Variants in SPATA31C2 observed in about 807,000 individuals in gnomAD.
SPATA31C2 encodes spermatogenesis-associated protein 31C2.
SPATA31C2 carries 5 observed loss-of-function variants against 11.4 expected under a neutral mutation model. The ratio of observed to expected loss-of-function variants is 0.44; its 90% CI spans 0.23 to 0.92. SPATA31C2 has a LOEUF of 0.92. SPATA31C2 is among the 40% of genes least tolerant of loss of function. SPATA31C2 has a pLI of 0.24. For synonymous variants in SPATA31C2, 515 were observed against 538.7 expected (o/e 0.96, Z 0.61); for missense variants, 1,353 against 1,368.6 (o/e 0.99, Z 0.18).
In SPATA31C2 at chr9:88,130,480, C is replaced by A; in HGVS notation, c.2557G>T (p.Glu853Ter). The A allele has an allele frequency of 6.2e-6, 10 of 1,613,430 alleles. No individual in the cohort carries two copies. Among genetic ancestry groups the A allele is most frequent in the Non-Finnish European group, 7.6e-6 (9 of 1,179,552 alleles). ...GGCTCAAATTCACTAACAGCCTCCT[C>A]CATGAGACACAGCTTTCTTGGGTCT... ...SQDPRKLCLMEEAVSEFEPGK... is the reference protein window; with the variant it reads ...SQDPRKLCLM The change falls in exon 4 of 4, where the codon GAG becomes TAG. Residue 853 changes from glutamate (E) to a stop codon, truncating the protein, a stop_gained. Transcript: ENST00000324915. LOFTEE classifies it low-confidence loss of function (END_TRUNC).
At chr9:88,132,786 G>A in intron 3 of SPATA31C2, 76 bp from the exon 4 acceptor site, 1 of 1,491,094 alleles carries the variant, frequency 6.7e-7, no homozygotes, top group Non-Finnish European at 8.9e-7. Context: ...TTGGGCCACA[G>A]CCCCTCCACC....
intron 1 of SPATA31C2, 64 bp from the exon 2 acceptor site, chr9:88,133,733 C>A: frequency 1.9e-5 from 29 of 1,507,498 alleles, no homozygotes; most frequent in African/African-American, 3.0e-5. Context: ...AGCCCAGCCG[C>A]AGCACGCTGC....
intron 1 of SPATA31C2, chr9:88,134,941 AG>A: frequency 2.1e-6 from 3 of 1,448,040 alleles, no homozygotes; most frequent in Non-Finnish European, 2.8e-6. Context: ...TTTAGAGGAA[AG>A]GGAAGATTCT....
chr9:88,136,251 T>C (rs1455614825), intron 1 of SPATA31C2, among the ~76,000 whole-genome samples: 6 of 145,192 alleles, frequency 4.1e-5, no homozygotes, highest in Non-Finnish European at 9.0e-5. Context: ...TATTTTAATG[T>C]CTCTCTGGGC....
rs1563963232 is a variant in SPATA31C2, at chr9:88,133,625, G to A, written c.234C>T (p.Pro78=). The change falls in exon 2 of 4, where the codon CCC becomes CCT. Residue 78 remains proline (P), a synonymous_variant. Coordinates refer to ENST00000324915, the MANE Select transcript of SPATA31C2 (RefSeq NM_001350978.3). ...GACTGTGGTTTTTCATCCTGCCTCTGGGCCTCCCCCTCCGCCCTGCTGGAC... is the reference window on the plus strand; with the variant it reads ...GACTGTGGTTTTTCATCCTGCCTCTAGGCCTCCCCCTCCGCCCTGCTGGAC... ...SQRPAGRRGR[P]RGRMKNHSLR... 3.2e-6 allele frequency: 5 copies of A among 1,582,302 alleles called. No individual in the cohort carries two copies. Among genetic ancestry groups the A allele is most frequent in the Non-Finnish European group, 4.3e-6 (5 of 1,162,746 alleles).
rs1183720057 is a variant in SPATA31C2, at chr9:88,130,792, G to A, written c.2245C>T (p.Pro749Ser). Residue 749 changes from proline (P) to serine (S), a missense_variant, in exon 4 of 4, where the codon CCA (proline) becomes TCA (serine). Pro to Ser is a moderately conservative substitution (Grantham distance 74). Coordinates refer to ENST00000324915, the MANE Select transcript of SPATA31C2 (RefSeq NM_001350978.3). ...KQFQRAPRGIPSSNDHGSLKA... is the reference protein window; with the variant it reads ...KQFQRAPRGISSSNDHGSLKA... Reference sequence around the variant, plus strand: ...AAGGACCCATGATCATTCGAAGATGGGATCCCTCGCGGGGCCCTCTGGAAC... The same window carrying A: ...AAGGACCCATGATCATTCGAAGATGAGATCCCTCGCGGGGCCCTCTGGAAC... 1.4e-5 allele frequency: 22 copies of A among 1,612,996 alleles called. No homozygotes were observed. The highest frequency in any genetic ancestry group is 1.8e-5 in the Non-Finnish European group (21 of 1,179,870).
In SPATA31C2 at chr9:88,130,780, C is replaced by G. The variant is rs763086127; in HGVS notation, c.2257G>C (p.Asp753His). ...GTAGGAGCCTTCAAGGACCCATGATCATTCGAAGATGGGATCCCTCGCGGG... is the reference window on the plus strand; with the variant it reads ...GTAGGAGCCTTCAAGGACCCATGATGATTCGAAGATGGGATCCCTCGCGGG... ...RAPRGIPSSN[D>H]HGSLKAPTAG... The change falls in exon 4 of 4, where the codon GAT becomes CAT. Residue 753 changes from aspartate (D) to histidine (H), a missense_variant. This residue lies in a region of SPATA31C2 where 1,075 missense variants were observed against 992.8 expected (regional missense o/e 1.08). Coordinates refer to ENST00000324915, the MANE Select transcript of SPATA31C2 (RefSeq NM_001350978.3). The G allele has an allele frequency of 8.1e-6, 13 of 1,613,008 alleles. No homozygotes were observed. In the African/African-American group the frequency reaches 1.6e-4, roughly 20 times the overall value.
chr9:88,133,764 T>G lies in SPATA31C2; in HGVS notation c.190-95A>C. 4.2e-6 allele frequency: 6 copies of G among 1,434,812 alleles called. No homozygotes were observed. The Admixed American group carries it at 1.1e-4, about 27-fold the overall frequency. 88.9% of individuals were successfully genotyped at this position (1,434,812 alleles called of 1,614,324 possible). ...GCTGCACTCATGAACCGCATGGCTC[T>G]GTCTGTCTTGCTCAGGGAGCTCTGT... is the stretch of plus-strand genomic sequence containing the variant. On this transcript the variant is annotated intron_variant, in intron 1 of 3. Transcript: ENST00000324915.
At position 88,131,784 on chromosome 9, in the gene SPATA31C2, T is replaced by G. The variant is rs758604052; in HGVS notation, c.1253A>C (p.Lys418Thr). The G allele has an allele frequency of 1.9e-6, 3 of 1,611,598 alleles. No individual in the cohort carries two copies. In the African/African-American group the frequency reaches 4.0e-5, roughly 22 times the overall value. ...GGAGACACTAAAGACGTCCTGAGAT[T>G]TTTGGACCCTAGAGGGTAAAGCCAA... is the stretch of plus-strand genomic sequence containing the variant. Reference protein sequence around the residue: ...GGLALPSRVQKSQDVFSVSTP... With the variant: ...GGLALPSRVQTSQDVFSVSTP... The change falls in exon 4 of 4, where the codon AAA becomes ACA. Residue 418 changes from lysine to threonine, a missense_variant. Physicochemically the swap from Lys to Thr is moderately conservative, Grantham distance 78. Transcript: ENST00000324915.
intron 1 of SPATA31C2, 40 bp downstream of exon 1, chr9:88,138,213 AAGAAG>A (rs1270627749): frequency 1.7e-5 from 9 of 531,132 alleles, no homozygotes; most frequent in Non-Finnish European, 2.3e-5. Flanking sequence ...AATAAAAAGA[AAGAAG>A]AGAATCAAGC....
intron 1 of SPATA31C2, among the ~76,000 whole-genome samples, chr9:88,134,342 G>A (rs1281933113): frequency 7.3e-5 from 10 of 137,858 alleles, no homozygotes; most frequent in Admixed American, 4.6e-4. Context: ...GGAGGCCCTC[G>A]GGGGCCCAGC....
At chr9:88,136,127 G>T (rs1476784357) in intron 1 of SPATA31C2, among the ~76,000 whole-genome samples, 1 of 136,794 alleles carries the variant, frequency 7.3e-6, no homozygotes, top group Non-Finnish European at 1.5e-5. Flanking sequence ...TAGAGACTGG[G>T]TTTCACCGTG....
chr9:88,136,299 G>T (rs1240870208), intron 1 of SPATA31C2, among the ~76,000 whole-genome samples: 2 of 142,788 alleles, frequency 1.4e-5, no homozygotes, highest in Admixed American at 7.2e-5. Flanking sequence ...TCTGATAAAA[G>T]TTATTTTATT....
chr9:88,132,277 C>T lies in SPATA31C2; in HGVS notation c.760G>A (p.Asp254Asn). 8.7e-6 allele frequency: 14 copies of T among 1,610,788 alleles called. No individual in the cohort carries two copies. Among genetic ancestry groups the T allele is most frequent in the Non-Finnish European group, 1.2e-5 (14 of 1,177,744 alleles). Reference protein sequence around the residue: ...SHCDSVALPLDTVPQSLSPRE... With the variant: ...SHCDSVALPLNTVPQSLSPRE... ...GGAGACAAGCTTTGAGGGACGGTGT[C>T]CAGTGGAAGTGCCACTGAGTCACAG... Residue 254 changes from aspartate (D) to asparagine (N), a missense_variant, in exon 4 of 4, where the codon GAC (aspartate) becomes AAC (asparagine). Asp to Asn is a conservative substitution (Grantham distance 23, BLOSUM62 1). Around this residue, in one of 6 missense-constraint regions of SPATA31C2, gnomAD observed 1,075 missense variants for 992.8 expected, o/e 1.08. Transcript: ENST00000324915.
In SPATA31C2 at chr9:88,138,044, C is replaced by G. The variant is rs375866666; in HGVS notation, c.189+214G>C. Among the ~76,000 whole-genome samples the G allele has an allele frequency of 0.013, 1,242 of 93,162 alleles. 387 individuals carry two copies. The East Asian group carries it at 0.53, about 40-fold the overall frequency. 61.1% of individuals were successfully genotyped at this position (93,162 alleles called of 152,430 possible). ...TTGCCTTCATGCCTCCTGCGCTCCC[C>G]CACAGATGGACTGAGAGCTTGGGAT... is the stretch of plus-strand genomic sequence containing the variant. On this transcript the variant is annotated intron_variant, in intron 1 of 3. Coordinates refer to ENST00000324915, the MANE Select transcript of SPATA31C2 (RefSeq NM_001350978.3).
At position 88,130,711 on chromosome 9, in the gene SPATA31C2, T is replaced by C. The variant is rs1299246466; in HGVS notation, c.2326A>G (p.Ser776Gly). ...GRWPSKPLTY[S>G]LTGSTQQSRS... Reference sequence around the variant, plus strand: ...CTCTGCTGGGTGCTGCCTGTGAGGCTGTATGTGAGGGGCTTAGATGGCCAC... The same window carrying C: ...CTCTGCTGGGTGCTGCCTGTGAGGCCGTATGTGAGGGGCTTAGATGGCCAC... Residue 776 changes from serine (S) to glycine (G), a missense_variant, in exon 4 of 4, where the codon AGC becomes GGC. Physicochemically the swap from Ser to Gly is moderately conservative, Grantham distance 56. This residue lies in a region of SPATA31C2 where 1,075 missense variants were observed against 992.8 expected (regional missense o/e 1.08). Transcript: ENST00000324915. The C allele has an allele frequency of 6.2e-7, 1 of 1,613,774 alleles. No individual in the cohort carries two copies. Among genetic ancestry groups the C allele is most frequent in the Non-Finnish European group, 8.5e-7 (1 of 1,179,878 alleles).
chr9:88,136,422 A>G (rs1369943811), intron 1 of SPATA31C2, among the ~76,000 whole-genome samples: 7 of 143,224 alleles, frequency 4.9e-5, no homozygotes, highest in Non-Finnish European at 7.6e-5. Context: ...TGAAAACTTT[A>G]AACAATATTC....
rs529874134 is a variant in SPATA31C2 at position 88,132,302 on chromosome 9, G to A, written c.735C>T (p.His245=). 6.2e-7 allele frequency: 1 copy of A among 1,610,878 alleles called. No individual in the cohort carries two copies. Among genetic ancestry groups the A allele is most frequent in the African/African-American group, 1.3e-5 (1 of 74,980 alleles). The change falls in exon 4 of 4, where the codon CAC becomes CAT. Residue 245 remains histidine (H), a synonymous_variant. Transcript: ENST00000324915. ...LRDSTLLTPS[H]CDSVALPLDT... Reference sequence around the variant, plus strand: ...CCAGTGGAAGTGCCACTGAGTCACAGTGAGATGGTGTTAACAGAGTGGAGT... The same window carrying A: ...CCAGTGGAAGTGCCACTGAGTCACAATGAGATGGTGTTAACAGAGTGGAGT...
rs771346880 is a variant in SPATA31C2, at chr9:88,130,218, T to C, written c.2819A>G (p.Gln940Arg). Residue 940 changes from glutamine (Q) to arginine (R), a missense_variant, in exon 4 of 4, where the codon CAA becomes CGA. Physicochemically the swap from Gln to Arg is conservative, Grantham distance 43. Around this residue, in one of 6 missense-constraint regions of SPATA31C2, gnomAD observed 16 missense variants for 45.1 expected, o/e 0.35. Transcript: ENST00000324915. Reference sequence around the variant, plus strand: ...TGGGCTTTGGCTCTTGCATGAGCCTTGACAGTTTGGGTTCCTGGGCTCCTT... The same window carrying C: ...TGGGCTTTGGCTCTTGCATGAGCCTCGACAGTTTGGGTTCCTGGGCTCCTT... Reference protein sequence around the residue: ...GHKEPRNPNCQGSCKSQSPMF... With the variant: ...GHKEPRNPNCRGSCKSQSPMF... 22 of 1,609,186 alleles carry C rather than the reference T, an allele frequency of 1.4e-5. No individual in the cohort carries two copies. Among genetic ancestry groups the C allele is most frequent in the Non-Finnish European group, 1.9e-5 (22 of 1,178,112 alleles).
Sources: gnomAD v4.1 joint callset for allele counts (sites outside exome capture counted in the v4.1 genomes callset) on GRCh38, gnomAD v4.1.1 for gene constraint, gnomAD v4.1.1 regional missense constraint, MANE v1.5 for transcripts, NCBI Gene and HGNC (gene_info 2026-07-23, HGNC 2026-07-21) for gene names.